Variants in PDE7A observed in about 807,000 individuals in gnomAD.
PDE7A encodes phosphodiesterase 7A.
PDE7A carries 39 observed loss-of-function variants against 64.3 expected under a neutral mutation model. The ratio of observed to expected loss-of-function variants is 0.61; its 90% CI spans 0.47 to 0.79. The LOEUF (loss-of-function observed/expected upper bound fraction) is 0.79, where lower values mean the gene tolerates loss of function less well. PDE7A is among the 30% of genes least tolerant of loss of function. The pLI, the probability that PDE7A is intolerant of heterozygous loss-of-function variation, is 0.00. For synonymous variants in PDE7A, 203 were observed against 206.8 expected (o/e 0.98, Z 0.16); for missense variants, 470 against 582.8 (o/e 0.81, Z 1.99).
At chr8:65,822,870 A>G (rs1418380893) in intron 1 of PDE7A, among the ~76,000 whole-genome samples, 1 of 152,200 alleles carries the variant, frequency 6.6e-6, no homozygotes, top group East Asian at 1.9e-4. Flanking sequence ...AATAATGCAT[A>G]GTAATTTAAC....
chr8:65,842,051 C>G lies in PDE7A; in HGVS notation c.-543G>C. ...ACTTCACTCCGCCGCCGGCGCGAGC[C>G]CGGCGTAATTCACACTTTGCAGCCG... is the stretch of plus-strand genomic sequence containing the variant. On this transcript the variant is annotated 5_prime_UTR_variant, in exon 1 of 13. Coordinates refer to ENST00000401827, the MANE Select transcript of PDE7A (RefSeq NM_001242318.3). 1 of 198,518 alleles carries G rather than the reference C, an allele frequency of 5.0e-6. No individual in the cohort carries two copies. Among genetic ancestry groups the G allele is most frequent in the Non-Finnish European group, 9.9e-6 (1 of 100,862 alleles). The allele number at this position is 198,518 out of a possible 1,614,324, so 12.3% of individuals were successfully genotyped here. A position where few individuals can be genotyped will look rare whatever the true frequency, so the allele number is the denominator to read the frequency against.
intron 3 of PDE7A, among the ~76,000 whole-genome samples, chr8:65,758,703 T>A (rs1808350940): frequency 6.6e-6 from 1 of 152,238 alleles, no homozygotes; most frequent in Non-Finnish European, 1.5e-5. Context: ...GTGCTGGACA[T>A]TATGGGCTGT....
intron 1 of PDE7A, among the ~76,000 whole-genome samples, chr8:65,790,453 A>C (rs1809670340): frequency 6.6e-6 from 1 of 152,236 alleles, no homozygotes. Flanking sequence ...ACTGCAGTCC[A>C]TGACAAGACA....
Position 65,730,173 on chromosome 8 carries a change from T to TC in PDE7A, c.697-2873_697-2872insG, listed in dbSNP as rs201482339. ...TGAGGGATCCAGGTTGCGCACTTCT[T>TC]TTTTTTTTTTTTTTTTTTTTTTTTG... On this transcript the variant is annotated intron_variant, in intron 7 of 12. Coordinates refer to ENST00000401827, the MANE Select transcript of PDE7A (RefSeq NM_001242318.3). Among the ~76,000 whole-genome samples, 93 of 62,062 alleles carry TC rather than the reference T, an allele frequency of 1.5e-3. 6 individuals are homozygous for TC. The highest frequency in any genetic ancestry group is 7.9e-3 in the Middle Eastern group (1 of 126). 40.7% of individuals were successfully genotyped at this position (62,062 alleles called of 152,430 possible). A position where few individuals can be genotyped will look rare whatever the true frequency, so the allele number is the denominator to read the frequency against.
intron 6 of PDE7A, among the ~76,000 whole-genome samples, chr8:65,736,541 C>A (rs1292507691): frequency 6.6e-6 from 1 of 152,032 alleles, no homozygotes; most frequent in African/African-American, 2.4e-5. Flanking sequence ...TTGCTTGAGG[C>A]CAGGAGTTTG....
intron 5 of PDE7A, among the ~76,000 whole-genome samples, chr8:65,740,547 C>T (rs1170896090): frequency 6.6e-6 from 1 of 152,054 alleles, no homozygotes; most frequent in African/African-American, 2.4e-5. Flanking sequence ...AGTACAGGCA[C>T]CCGCCACCAA....
chr8:65,833,324 T>C (rs1163739796), intron 1 of PDE7A, among the ~76,000 whole-genome samples: 1 of 152,172 alleles, frequency 6.6e-6, no homozygotes, highest in Non-Finnish European at 1.5e-5. Context: ...TATACCCTCC[T>C]AGAACATGGC....
intron 5 of PDE7A, among the ~76,000 whole-genome samples, chr8:65,741,036 A>AC (rs1807405528): frequency 2.0e-5 from 3 of 152,190 alleles, no homozygotes; most frequent in Admixed American, 6.5e-5. Flanking sequence ...AATAGAAATT[A>AC]AATTTGGAAA....
intron 7 of PDE7A, among the ~76,000 whole-genome samples, chr8:65,729,398 GCAAAT>G (rs1393844706): frequency 1.6e-5 from 2 of 128,072 alleles, no homozygotes; most frequent in Non-Finnish European, 3.2e-5. Flanking sequence ...GGCTAAATTG[GCAAAT>G]CAAAAATATA....
chr8:65,723,495 A>G (rs1806478031), intron 12 of PDE7A, 46 bp downstream of exon 12: 2 of 1,387,084 alleles, frequency 1.4e-6, no homozygotes, highest in East Asian at 2.7e-5. Context: ...CTTGATAAAA[A>G]CAGTGGCATT....
chr8:65,751,514 C>T (rs1198108961), intron 3 of PDE7A, among the ~76,000 whole-genome samples: 1 of 151,780 alleles, frequency 6.6e-6, no homozygotes, highest in African/African-American at 2.4e-5. Context: ...CTCTTGTTGC[C>T]CATTCTTGTT....
At chr8:65,745,622 A>C in intron 4 of PDE7A, 152 bp from the exon 5 acceptor site, 3 of 592,894 alleles carry the variant, frequency 5.1e-6, no homozygotes, top group Non-Finnish European at 6.0e-6. Flanking sequence ...GACTTTTTCA[A>C]CTGGCTCCAA....
At chr8:65,830,270 G>T (rs1033431354) in intron 1 of PDE7A, among the ~76,000 whole-genome samples, 1 of 151,650 alleles carries the variant, frequency 6.6e-6, no homozygotes. Flanking sequence ...TTAAGTTCAG[G>T]GTTCTTTTTC....
chr8:65,771,423 T>G (rs1809077635), intron 3 of PDE7A, among the ~76,000 whole-genome samples: 1 of 152,050 alleles, frequency 6.6e-6, no homozygotes, highest in African/African-American at 2.4e-5. Flanking sequence ...TAGAAGAAAT[T>G]AAAAAATTAT....
intron 1 of PDE7A, among the ~76,000 whole-genome samples, chr8:65,825,129 A>C (rs1810639125): frequency 6.6e-6 from 1 of 152,242 alleles, no homozygotes; most frequent in African/African-American, 2.4e-5. Context: ...CATAAAAAAT[A>C]CTTGATTAAA....
intron 3 of PDE7A, among the ~76,000 whole-genome samples, chr8:65,749,516 T>C (rs1235994409): frequency 6.6e-6 from 1 of 152,206 alleles, no homozygotes; most frequent in Non-Finnish European, 1.5e-5. Context: ...AGAACCAAAA[T>C]AGTAAAAACT....
intron 7 of PDE7A, among the ~76,000 whole-genome samples, chr8:65,730,637 A>G (rs995205299): frequency 6.6e-6 from 1 of 152,130 alleles, no homozygotes; most frequent in African/African-American, 2.4e-5. Flanking sequence ...GTCTAAAAAC[A>G]GAGAACTAGG....
intron 3 of PDE7A, among the ~76,000 whole-genome samples, chr8:65,769,169 AC>A (rs1010513376): frequency 3.3e-5 from 5 of 150,688 alleles, no homozygotes; most frequent in African/African-American, 1.2e-4. Flanking sequence ...AATTGCTTGA[AC>A]CAGGGAGTTG....
At chr8:65,734,399 T>C (rs1451852269) in intron 7 of PDE7A, among the ~76,000 whole-genome samples, 2 of 152,216 alleles carry the variant, frequency 1.3e-5, no homozygotes, top group Non-Finnish European at 2.9e-5. Context: ...GCTTTTGGTC[T>C]TGATACGATT....
Sources: allele counts gnomAD v4.1 joint callset (sites outside exome capture counted in the v4.1 genomes callset), GRCh38; gene constraint gnomAD v4.1.1; transcripts MANE v1.5; gene names NCBI Gene and HGNC (gene_info 2026-07-23, HGNC 2026-07-21).